The following PTPRR variants were observed in gnomAD, a reference collection of about 807,000 sequenced individuals.
PTPRR encodes receptor-type tyrosine-protein phosphatase R.
Under a neutral mutation model 77.2 loss-of-function variants are expected in PTPRR, and 38 were observed. The ratio of observed to expected loss-of-function variants is 0.49; its 90% CI spans 0.38 to 0.65. The LOEUF is 0.65. Among genes scored for constraint, PTPRR ranks in the 30% least tolerant of loss-of-function variants. The pLI is 0.00. For synonymous variants in PTPRR, 299 were observed against 283.1 expected (o/e 1.06, Z -0.57); for missense variants, 744 against 799.2 (o/e 0.93, Z 0.83).
intron 8 of PTPRR, among the ~76,000 whole-genome samples, chr12:70,695,690 G>T (rs966398453): frequency 1.3e-5 from 2 of 152,094 alleles, no homozygotes; most frequent in African/African-American, 4.8e-5. Context: ...TGTGATGGAG[G>T]TATATTCCCT....
chr12:70,701,502 A>C (rs1378150757), intron 6 of PTPRR, among the ~76,000 whole-genome samples, 179 bp from the exon 7 acceptor site: 2 of 152,200 alleles, frequency 1.3e-5, no homozygotes, highest in Non-Finnish European at 2.9e-5. Context: ...TTCACAGGAA[A>C]ATAACAATTT....
chr12:70,748,213 G>A (rs7974346), intron 5 of PTPRR, among the ~76,000 whole-genome samples: 107,848 of 152,036 alleles, frequency 0.71, 38,521 homozygotes, highest in East Asian at 0.92. Flanking sequence ...CTGAGCTATT[G>A]GATGAGTTAT....
At chr12:70,711,258 G>C (rs191786403) in intron 6 of PTPRR, among the ~76,000 whole-genome samples, 43 of 152,182 alleles carry the variant, frequency 2.8e-4, no homozygotes, top group African/African-American at 9.6e-4. Flanking sequence ...GATGGGTCTG[G>C]AGGCCATTAG....
chr12:70,703,965 A>T (rs1477533937), intron 6 of PTPRR, among the ~76,000 whole-genome samples: 1 of 152,180 alleles, frequency 6.6e-6, no homozygotes, highest in African/African-American at 2.4e-5. Flanking sequence ...TCTGGTAGGA[A>T]AAAAAGTGTA....
chr12:70,660,026 A>G (rs549959166), intron 12 of PTPRR, among the ~76,000 whole-genome samples: 14 of 151,834 alleles, frequency 9.2e-5, no homozygotes, highest in Admixed American at 2.0e-4. Flanking sequence ...AAAATATAAA[A>G]ATTAGCCAGG....
chr12:70,643,667 A>T (rs542198142), intron 13 of PTPRR, among the ~76,000 whole-genome samples: 44 of 152,306 alleles, frequency 2.9e-4, no homozygotes, highest in African/African-American at 9.6e-4. Flanking sequence ...CTTAGGTCAG[A>T]TAGGTTTCAT....
rs1886593783 is a variant in PTPRR at position 70,656,711 on chromosome 12, T to C, written c.1873A>G (p.Met625Val). 6.2e-7 allele frequency: 1 copy of C among 1,612,114 alleles called. No homozygotes were observed. Among genetic ancestry groups the C allele is most frequent in the African/African-American group, 1.3e-5 (1 of 74,998 alleles). Residue 625 changes from methionine (M) to valine (V), a missense_variant, in exon 13 of 14, where the codon ATG becomes GTG. Met to Val is a conservative substitution (Grantham distance 21). This residue lies in a region of PTPRR where 170 missense variants were observed against 209.8 expected (regional missense o/e 0.81). Coordinates refer to ENST00000283228, the MANE Select transcript of PTPRR (RefSeq NM_002849.4). ...DALSIVCQLR[M>V]DRGGMVQTSE... ...AGCCTCTGTGACACTCACCTATCCATACGAAGCTGGCAGACAATGCTTAGT... is the reference window on the plus strand; with the variant it reads ...AGCCTCTGTGACACTCACCTATCCACACGAAGCTGGCAGACAATGCTTAGT...
intron 10 of PTPRR, among the ~76,000 whole-genome samples, chr12:70,682,210 A>AT (rs1887699223): frequency 6.7e-6 from 1 of 150,070 alleles, no homozygotes; most frequent in Non-Finnish European, 1.5e-5. Flanking sequence ...CGCCCGGCTA[A>AT]TTTTTTGTAT....
At chr12:70,798,896 C>T (rs2137017786) in intron 2 of PTPRR, among the ~76,000 whole-genome samples, 1 of 152,188 alleles carries the variant, frequency 6.6e-6, no homozygotes, top group Middle Eastern at 3.4e-3. Flanking sequence ...CCTTGTTTAA[C>T]CCAGTACCTA....
chr12:70,852,694 A>C (rs1055227170), intron 2 of PTPRR, among the ~76,000 whole-genome samples: 1 of 152,200 alleles, frequency 6.6e-6, no homozygotes, highest in Non-Finnish European at 1.5e-5. Context: ...AAAGGAGTTC[A>C]AGTAATTGAG....
At chr12:70,739,724 T>C (rs539872367) in intron 6 of PTPRR, among the ~76,000 whole-genome samples, 2 of 152,284 alleles carry the variant, frequency 1.3e-5, no homozygotes, top group African/African-American at 4.8e-5. Flanking sequence ...TCTGAGAATT[T>C]ATAGGTGTTA....
chr12:70,862,392 A>G (rs1387351868), intron 2 of PTPRR, among the ~76,000 whole-genome samples: 2 of 151,826 alleles, frequency 1.3e-5, no homozygotes, highest in Non-Finnish European at 2.9e-5. Flanking sequence ...CATATACACC[A>G]TGGAATATTA....
chr12:70,764,689 C>A lies in PTPRR; in HGVS notation c.447G>T (p.Gln149His). The change falls in exon 3 of 14, where the codon CAG becomes CAT. Residue 149 changes from glutamine (Q) to histidine (H), a missense_variant. Transcript: ENST00000283228. Reference sequence around the variant, plus strand: ...CAATGAGGCGATTGATGTGCACTTGCTGGGGTAAGAGTCCTAAAGCTGCAG... The same window carrying A: ...CAATGAGGCGATTGATGTGCACTTGATGGGGTAAGAGTCCTAAAGCTGCAG... ...GVAAALGLLP[Q>H]QVHINRLIGK... 11 of 1,613,702 alleles carry A rather than the reference C, an allele frequency of 6.8e-6. No individual in the cohort carries two copies. Among genetic ancestry groups the A allele is most frequent in the Non-Finnish European group, 9.3e-6 (11 of 1,179,674 alleles).
At chr12:70,810,303 G>A (rs563875460) in intron 2 of PTPRR, among the ~76,000 whole-genome samples, 1 of 152,308 alleles carries the variant, frequency 6.6e-6, no homozygotes, top group African/African-American at 2.4e-5. Context: ...TTGCTTTGCA[G>A]AAGTCAGGTA....
At chr12:70,656,675 C>T (rs1446660691) in intron 13 of PTPRR, 29 bp downstream of exon 13, 2 of 1,486,210 alleles carry the variant, frequency 1.3e-6, no homozygotes, top group African/African-American at 1.4e-5. Flanking sequence ...GAAAACAGTG[C>T]TCTGAAGGCA....
intron 10 of PTPRR, chr12:70,671,787 A>G (rs982768121): frequency 1.9e-6 from 1 of 536,436 alleles, no homozygotes; most frequent in Non-Finnish European, 3.4e-6. Context: ...TACATATTTG[A>G]GGCTGCTGCA....
chr12:70,747,442 T>C (rs961361776), intron 5 of PTPRR, among the ~76,000 whole-genome samples: 3 of 152,232 alleles, frequency 2.0e-5, no homozygotes, highest in East Asian at 1.9e-4. Flanking sequence ...CACATCTAAA[T>C]ATAATATGCA....
At chr12:70,788,728 A>G (rs1364868539) in intron 2 of PTPRR, 1 of 891,334 alleles carries the variant, frequency 1.1e-6, no homozygotes, top group Admixed American at 2.0e-5. Context: ...TTACATGAAC[A>G]GATATAGACA....
chr12:70,865,091 G>A (rs557978151), intron 2 of PTPRR, among the ~76,000 whole-genome samples: 1 of 152,210 alleles, frequency 6.6e-6, no homozygotes, highest in South Asian at 2.1e-4. Context: ...GGGATTACAG[G>A]CATGAGCCAT....
Sources: gnomAD v4.1 joint callset for allele counts (sites outside exome capture counted in the v4.1 genomes callset) on GRCh38, gnomAD v4.1.1 for gene constraint, gnomAD v4.1.1 regional missense constraint, MANE v1.5 for transcripts, NCBI Gene and HGNC (gene_info 2026-07-23, HGNC 2026-07-21) for gene names.